MAGI2: variants seen among roughly 807,000 people sequenced by gnomAD.
MAGI2 encodes membrane-associated guanylate kinase, WW and PDZ domain-containing protein 2.
Under a neutral mutation model 133.3 loss-of-function variants are expected in MAGI2, and 35 were observed. That is an observed-to-expected ratio of 0.26 (90% CI 0.20 to 0.35). The LOEUF is 0.35. MAGI2 is among the 10% of genes least tolerant of loss of function. The pLI, the probability that MAGI2 is intolerant of heterozygous loss-of-function variation, is 1.00. For synonymous variants in MAGI2, 729 were observed against 710.6 expected (o/e 1.03, Z -0.41); for missense variants, 1,636 against 1,863.4 (o/e 0.88, Z 2.25).
chr7:78,573,786 G>T (rs1801983494), intron 3 of MAGI2, among the ~76,000 whole-genome samples: 3 of 151,872 alleles, frequency 2.0e-5, no homozygotes, highest in Admixed American at 1.3e-4. Flanking sequence ...ATGGTGAGTT[G>T]GGTTTTTATT....
intron 13 of MAGI2, among the ~76,000 whole-genome samples, chr7:78,185,065 T>G (rs78104270): frequency 6.6e-6 from 1 of 152,202 alleles, no homozygotes; most frequent in Non-Finnish European, 1.5e-5. Context: ...ACATAAGTAA[T>G]TTAACATTTT....
intron 1 of MAGI2, among the ~76,000 whole-genome samples, chr7:79,272,184 C>T (rs1834928113): frequency 6.6e-6 from 1 of 152,044 alleles, no homozygotes; most frequent in African/African-American, 2.4e-5. Context: ...CTGGTACATT[C>T]ACTTTATGAA....
intron 6 of MAGI2, among the ~76,000 whole-genome samples, chr7:78,422,843 A>G (rs1798925415): frequency 6.6e-6 from 1 of 152,144 alleles, no homozygotes; most frequent in African/African-American, 2.4e-5. Context: ...TTCTGATAGT[A>G]TTGTTCCAGC....
chr7:78,888,641 A>C (rs974314975), intron 2 of MAGI2, among the ~76,000 whole-genome samples: 2 of 152,204 alleles, frequency 1.3e-5, no homozygotes, highest in African/African-American at 2.4e-5. Flanking sequence ...ACCTCCAGCA[A>C]ACTCCGACAG....
At chr7:79,005,085 GAAA>G (rs965503054) in intron 2 of MAGI2, among the ~76,000 whole-genome samples, 11 of 85,096 alleles carry the variant, frequency 1.3e-4, no homozygotes, top group Non-Finnish European at 2.5e-4. Flanking sequence ...TCCATCTCAA[GAAA>G]AAAAAAAAAA....
chr7:79,115,248 A>G (rs1231621466), intron 1 of MAGI2, among the ~76,000 whole-genome samples: 7 of 152,244 alleles, frequency 4.6e-5, no homozygotes, highest in Non-Finnish European at 1.0e-4. Context: ...GACCAGAGAA[A>G]GGGAAAGGAA....
At chr7:78,999,971 G>C (rs1433309368) in intron 2 of MAGI2, among the ~76,000 whole-genome samples, 1 of 152,044 alleles carries the variant, frequency 6.6e-6, no homozygotes, top group East Asian at 1.9e-4. Flanking sequence ...CACTCTAAAA[G>C]GAATTTCAAA....
At chr7:79,278,612 A>G (rs1357178392) in intron 1 of MAGI2, among the ~76,000 whole-genome samples, 2 of 152,114 alleles carry the variant, frequency 1.3e-5, no homozygotes, top group East Asian at 3.9e-4. Context: ...CTTTCATAGT[A>G]CTGACCACAA....
intron 2 of MAGI2, among the ~76,000 whole-genome samples, chr7:78,976,113 T>C (rs1311955280): frequency 6.6e-6 from 1 of 151,626 alleles, no homozygotes; most frequent in Non-Finnish European, 1.5e-5. Context: ...CAAAATCAGA[T>C]GAAGGCGTTA....
At chr7:79,237,410 A>G (rs2129554737) in intron 1 of MAGI2, among the ~76,000 whole-genome samples, 1 of 152,260 alleles carries the variant, frequency 6.6e-6, no homozygotes, top group East Asian at 1.9e-4. Context: ...GGAGAATGGC[A>G]TGAACCCGGG....
chr7:79,389,773 T>G (rs1289571024), intron 1 of MAGI2, among the ~76,000 whole-genome samples: 2 of 151,936 alleles, frequency 1.3e-5, no homozygotes, highest in Non-Finnish European at 2.9e-5. Context: ...AATGGTTTAC[T>G]GTCTGAATCC....
At chr7:79,226,276 A>G (rs1317879202) in intron 1 of MAGI2, among the ~76,000 whole-genome samples, 2 of 152,158 alleles carry the variant, frequency 1.3e-5, no homozygotes, top group African/African-American at 4.8e-5. Context: ...AGATAGTTAC[A>G]GTTTCCAATT....
At chr7:79,347,947 T>C (rs1841441354) in intron 1 of MAGI2, among the ~76,000 whole-genome samples, 1 of 151,908 alleles carries the variant, frequency 6.6e-6, no homozygotes, top group Admixed American at 6.6e-5. Flanking sequence ...TTATCTTCTG[T>C]TGACAACAAA....
chr7:79,417,142 A>G (rs550623830), intron 1 of MAGI2, among the ~76,000 whole-genome samples: 21 of 152,264 alleles, frequency 1.4e-4, no homozygotes, highest in African/African-American at 4.8e-4. Flanking sequence ...TACCTCCTCT[A>G]CAATGTCTGA....
chr7:79,129,463 GT>G (rs1320497784), intron 1 of MAGI2, among the ~76,000 whole-genome samples: 2 of 152,142 alleles, frequency 1.3e-5, no homozygotes, highest in African/African-American at 4.8e-5. Flanking sequence ...GGTTAGCAAC[GT>G]AATGCAACTT....
At chr7:78,766,461 T>C (rs1825036420) in intron 2 of MAGI2, among the ~76,000 whole-genome samples, 1 of 152,300 alleles carries the variant, frequency 6.6e-6, no homozygotes, top group Admixed American at 6.5e-5. Context: ...TGAGGTCCTA[T>C]TAATATGGGA....
intron 10 of MAGI2, among the ~76,000 whole-genome samples, chr7:78,205,293 A>G (rs1244949881): frequency 6.6e-6 from 1 of 152,036 alleles, no homozygotes; most frequent in Non-Finnish European, 1.5e-5. Flanking sequence ...CACCACACCC[A>G]GCTAATTTTT....
chr7:79,007,843 G>A (rs1029964092), intron 1 of MAGI2, among the ~76,000 whole-genome samples: 7 of 151,768 alleles, frequency 4.6e-5, no homozygotes, highest in Admixed American at 6.6e-5. Context: ...TCTTTATTTT[G>A]TAGTATATCT....
chr7:78,910,263 C>T (rs78773823), intron 2 of MAGI2, among the ~76,000 whole-genome samples: 13 of 128,052 alleles, frequency 1.0e-4, no homozygotes, highest in South Asian at 2.5e-4. Context: ...TAAAGTAATT[C>T]TTTTTTTTTT....
Sources: allele counts gnomAD v4.1 joint callset (sites outside exome capture counted in the v4.1 genomes callset), GRCh38; gene constraint gnomAD v4.1.1; transcripts MANE v1.5; gene names NCBI Gene and HGNC (gene_info 2026-07-23, HGNC 2026-07-21).